The following RELN variants were observed in gnomAD, a reference collection of about 807,000 sequenced individuals.
RELN encodes the protein reelin.
Under a neutral mutation model 427.6 loss-of-function variants are expected in RELN, and 108 were observed. That is an observed-to-expected ratio of 0.25 (90% CI 0.22 to 0.30). RELN has a LOEUF of 0.30. Among genes scored for constraint, RELN ranks in the 10% least tolerant of loss-of-function variants. The probability of loss-of-function intolerance (pLI) is 1.00; values close to 1 mark genes in which losing one functional copy is unlikely to be tolerated. For synonymous variants in RELN, 1,524 were observed against 1,513.4 expected (o/e 1.01, Z -0.16); for missense variants, 3,715 against 4,302.8 (o/e 0.86, Z 3.82).
intron 10 of RELN, among the ~76,000 whole-genome samples, chr7:103,683,118 T>C (rs1211930628): frequency 6.6e-6 from 1 of 151,990 alleles, no homozygotes. Flanking sequence ...AAAAGAGAAA[T>C]GCTATACATG....
intron 63 of RELN, among the ~76,000 whole-genome samples, chr7:103,481,447 TAAG>T (rs1248131027): frequency 2.0e-5 from 3 of 152,118 alleles, no homozygotes; most frequent in African/African-American, 7.2e-5. Context: ...ACTTGAAAGA[TAAG>T]AAGTGGTTAT....
intron 3 of RELN, among the ~76,000 whole-genome samples, chr7:103,817,309 A>G (rs1194530862): frequency 2.0e-5 from 3 of 152,188 alleles, no homozygotes; most frequent in Non-Finnish European, 4.4e-5. Flanking sequence ...TTCACTGTAA[A>G]TCCTCACTTC....
intron 2 of RELN, among the ~76,000 whole-genome samples, chr7:103,877,487 T>C (rs182432641): frequency 1.3e-3 from 202 of 152,288 alleles, no homozygotes; most frequent in African/African-American, 4.4e-3. Context: ...CTTAAGTATA[T>C]GCACTTCTCT....
At chr7:103,476,814 AT>A in intron 64 of RELN, 3 of 242,196 alleles carry the variant, frequency 1.2e-5, no homozygotes, top group South Asian at 4.5e-5. Context: ...TTGTGAGCCT[AT>A]TTTTTGTTTT....
chr7:103,817,040 C>T (rs984496176), intron 3 of RELN, among the ~76,000 whole-genome samples: 13 of 151,926 alleles, frequency 8.6e-5, no homozygotes, highest in East Asian at 1.9e-4. Flanking sequence ...TTAGTAGAGA[C>T]GGGATTTCAC....
chr7:103,708,364 A>T (rs1789686736), intron 8 of RELN, among the ~76,000 whole-genome samples: 1 of 151,718 alleles, frequency 6.6e-6, no homozygotes, highest in South Asian at 2.1e-4. Flanking sequence ...GGAAAAACAG[A>T]CCTCCCAACA....
intron 4 of RELN, among the ~76,000 whole-genome samples, chr7:103,757,685 T>C (rs1182312324): frequency 6.6e-6 from 1 of 152,116 alleles, no homozygotes; most frequent in Non-Finnish European, 1.5e-5. Context: ...ATTTCTGTGG[T>C]AGTGATAAGA....
At chr7:103,673,694 G>T (rs1181877951) in intron 11 of RELN, among the ~76,000 whole-genome samples, 1 of 151,992 alleles carries the variant, frequency 6.6e-6, no homozygotes, top group Non-Finnish European at 1.5e-5. Flanking sequence ...ATATTTGGCT[G>T]GAGAAGGAAT....
chr7:103,909,824 AATAT>A (rs1256531536), intron 2 of RELN, among the ~76,000 whole-genome samples: 2 of 54,354 alleles, frequency 3.7e-5, no homozygotes, highest in South Asian at 7.5e-4. Context: ...TTATATATAA[AATAT>A]ATATATTTAA....
At chr7:103,617,564 ATATG>A (rs1473745857) in intron 20 of RELN, among the ~76,000 whole-genome samples, 5 of 151,642 alleles carry the variant, frequency 3.3e-5, no homozygotes, top group Non-Finnish European at 7.4e-5. Context: ...ATATGTATAT[ATATG>A]TGTGTATATA....
intron 2 of RELN, among the ~76,000 whole-genome samples, chr7:103,865,272 CA>C: frequency 6.6e-6 from 1 of 151,586 alleles, no homozygotes. Flanking sequence ...AAAAATTTCA[CA>C]ATGAAGAAAA....
At chr7:103,511,718 A>T (rs1054458810) in intron 50 of RELN, among the ~76,000 whole-genome samples, 1 of 151,880 alleles carries the variant, frequency 6.6e-6, no homozygotes, top group Non-Finnish European at 1.5e-5. Flanking sequence ...AATTAGCTGG[A>T]GTGGTGGTGC....
intron 63 of RELN, chr7:103,478,643 G>T: frequency 5.0e-6 from 2 of 398,564 alleles, no homozygotes; most frequent in Non-Finnish European, 9.0e-6. Context: ...TAAGGTACAT[G>T]TAGCTGTAGT....
chr7:103,843,563 G>A (rs577455198), intron 2 of RELN, among the ~76,000 whole-genome samples: 1 of 152,286 alleles, frequency 6.6e-6, no homozygotes, highest in East Asian at 1.9e-4. Flanking sequence ...AACCATCTGA[G>A]AATAAACAGG....
intron 2 of RELN, among the ~76,000 whole-genome samples, chr7:103,855,177 A>C (rs1036679807): frequency 2.5e-4 from 38 of 152,226 alleles, no homozygotes; most frequent in African/African-American, 9.2e-4. Flanking sequence ...TCTCTTGGGA[A>C]GTTTGTTGCA....
intron 34 of RELN, 35 bp from the exon 35 acceptor site, chr7:103,561,988 G>A: frequency 6.3e-7 from 1 of 1,587,736 alleles, no homozygotes; most frequent in Non-Finnish European, 8.6e-7. Context: ...ACACACCACT[G>A]GTTTGACAAG....
chr7:103,636,294 A>G lies in RELN; in HGVS notation c.2244T>C (p.Val748=). The G allele has an allele frequency of 4.3e-6, 7 of 1,614,050 alleles. No individual in the cohort carries two copies. Among genetic ancestry groups the G allele is most frequent in the Non-Finnish European group, 5.9e-6 (7 of 1,179,988 alleles). The change falls in exon 18 of 65, where the codon GTT becomes GTC. Residue 748 remains valine (V), a synonymous_variant. Transcript: ENST00000428762. ...CGVLASGKAL[V]FNKDGRRQLI... is the part of the protein sequence containing the mutation. Reference sequence around the variant, plus strand: ...GCTGACGCCGCCCATCTTTGTTGAAAACCAGGGCCTTACCACTGGCCAAGA... The same window carrying G: ...GCTGACGCCGCCCATCTTTGTTGAAGACCAGGGCCTTACCACTGGCCAAGA...
intron 20 of RELN, among the ~76,000 whole-genome samples, chr7:103,613,432 A>C (rs1361731005): frequency 1.3e-5 from 2 of 152,228 alleles, no homozygotes; most frequent in Non-Finnish European, 2.9e-5. Context: ...ACAGGATGCA[A>C]TCTGGAAAAT....
intron 2 of RELN, among the ~76,000 whole-genome samples, chr7:103,862,802 G>A (rs1794103198): frequency 6.6e-6 from 1 of 152,130 alleles, no homozygotes; most frequent in Non-Finnish European, 1.5e-5. Context: ...CAGCAGTTGG[G>A]TGACAGGAGC....
Sources: allele counts gnomAD v4.1 joint callset (sites outside exome capture counted in the v4.1 genomes callset), GRCh38; gene constraint gnomAD v4.1.1; transcripts MANE v1.5; gene names NCBI Gene and HGNC (gene_info 2026-07-23, HGNC 2026-07-21).